Variants in EYA2 observed in about 807,000 individuals in gnomAD.
EYA2 encodes the protein EYA transcriptional coactivator and phosphatase 2.
EYA2 carries 31 observed loss-of-function variants against 69.2 expected under a neutral mutation model. The ratio of observed to expected loss-of-function variants is 0.45; its 90% CI spans 0.34 to 0.60. The LOEUF (loss-of-function observed/expected upper bound fraction) is 0.60, where lower values mean the gene tolerates loss of function less well. Ranked by LOEUF, EYA2 falls within the 20% of genes least tolerant of loss-of-function variation. The pLI, the probability that EYA2 is intolerant of heterozygous loss-of-function variation, is 0.02. For synonymous variants in EYA2, 257 were observed against 279.4 expected, an observed-to-expected ratio of 0.92 and a Z score of 0.80; for missense variants, 622 against 701.2, an observed-to-expected ratio of 0.89 and a Z score of 1.28.
chr20:46,994,950 G>A (rs1480554345), intron 2 of EYA2, among the ~76,000 whole-genome samples: 4 of 152,018 alleles, frequency 2.6e-5, no homozygotes, highest in African/African-American at 9.7e-5. Flanking sequence ...AACCAGGCTG[G>A]AGCGCAGTGG....
intron 7 of EYA2, among the ~76,000 whole-genome samples, chr20:47,086,498 G>A (rs1197206126): frequency 2.0e-5 from 3 of 152,000 alleles, no homozygotes; most frequent in African/African-American, 7.2e-5. Context: ...TAAAAGGGAA[G>A]CAGGCACGTC....
At chr20:47,028,503 G>A (rs1255370020) in intron 5 of EYA2, among the ~76,000 whole-genome samples, 1 of 152,228 alleles carries the variant, frequency 6.6e-6, no homozygotes, top group African/African-American at 2.4e-5. Context: ...AGTGACAGAA[G>A]CTGGTGCCTT....
intron 10 of EYA2, among the ~76,000 whole-genome samples, chr20:47,155,008 A>G (rs1474524173): frequency 6.6e-6 from 1 of 151,600 alleles, no homozygotes; most frequent in Non-Finnish European, 1.5e-5. Context: ...TCCTAAAGCC[A>G]CCACACCTGG....
chr20:47,109,447 T>C (rs2032687453), intron 9 of EYA2, among the ~76,000 whole-genome samples: 1 of 152,200 alleles, frequency 6.6e-6, no homozygotes, highest in African/African-American at 2.4e-5. Flanking sequence ...TTGTTTCCTG[T>C]AACATATACA....
At chr20:47,112,371 G>T (rs768049726) in intron 9 of EYA2, among the ~76,000 whole-genome samples, 1 of 152,174 alleles carries the variant, frequency 6.6e-6, no homozygotes, top group Admixed American at 6.6e-5. Context: ...GACAAAGGGG[G>T]CATGAGAGGG....
intron 1 of EYA2, among the ~76,000 whole-genome samples, chr20:46,895,943 C>A (rs901065075): frequency 1.3e-5 from 2 of 152,228 alleles, no homozygotes; most frequent in African/African-American, 2.4e-5. Context: ...CTGCCGCGGT[C>A]TGAATTCTTT....
At chr20:46,954,160 A>G (rs1042198405) in intron 1 of EYA2, among the ~76,000 whole-genome samples, 1 of 152,140 alleles carries the variant, frequency 6.6e-6, no homozygotes, top group Non-Finnish European at 1.5e-5. Context: ...CTGCTCAAAT[A>G]TCACCTCCTC....
chr20:46,980,534 G>A (rs565380601), intron 1 of EYA2, among the ~76,000 whole-genome samples: 5 of 152,186 alleles, frequency 3.3e-5, no homozygotes, highest in South Asian at 2.1e-4. Flanking sequence ...TGTTTGATAC[G>A]TTCATATAAT....
chr20:47,070,748 A>G (rs1215779149), intron 5 of EYA2, among the ~76,000 whole-genome samples: 1 of 152,238 alleles, frequency 6.6e-6, no homozygotes, highest in Non-Finnish European at 1.5e-5. Flanking sequence ...ATGTGGATGT[A>G]GTTAATGCCA....
chr20:46,929,991 A>G (rs995079323), intron 1 of EYA2, among the ~76,000 whole-genome samples: 2 of 152,204 alleles, frequency 1.3e-5, no homozygotes, highest in African/African-American at 2.4e-5. Flanking sequence ...TTCCATTGCT[A>G]AGATTTTGTG....
intron 11 of EYA2, among the ~76,000 whole-genome samples, chr20:47,171,957 G>A (rs142576133): frequency 2.0e-3 from 309 of 152,068 alleles, no homozygotes; most frequent in African/African-American, 7.3e-3. Context: ...CCTGGGTGTG[G>A]TGGAGGGCAC....
chr20:47,003,970 A>G (rs1982533361), intron 3 of EYA2, among the ~76,000 whole-genome samples: 1 of 152,252 alleles, frequency 6.6e-6, no homozygotes, highest in African/African-American at 2.4e-5. Context: ...TATAATGTAC[A>G]TACCAGGTGC....
At chr20:47,010,561 C>T (rs371064221) in intron 4 of EYA2, among the ~76,000 whole-genome samples, 1 of 151,430 alleles carries the variant, frequency 6.6e-6, no homozygotes, top group South Asian at 2.1e-4. Context: ...CCTGGGAGGT[C>T]GAGGCTGCAG....
chr20:47,129,556 G>T (rs77707910), intron 9 of EYA2, among the ~76,000 whole-genome samples: 1 of 152,192 alleles, frequency 6.6e-6, no homozygotes, highest in Non-Finnish European at 1.5e-5. Flanking sequence ...ACTAGAAGAC[G>T]GTGGCTTTAC....
intron 4 of EYA2, among the ~76,000 whole-genome samples, chr20:47,008,934 C>T (rs1600635256): frequency 6.6e-6 from 1 of 152,236 alleles, no homozygotes; most frequent in African/African-American, 2.4e-5. Flanking sequence ...ATACTTTCTA[C>T]TTTGTGATCC....
intron 1 of EYA2, among the ~76,000 whole-genome samples, chr20:46,981,514 G>A (rs957241871): frequency 9.2e-5 from 14 of 152,092 alleles, no homozygotes; most frequent in African/African-American, 2.9e-4. Context: ...TCCAAAGGAT[G>A]GTGTGTTTTG....
At chr20:47,187,073 A>G (rs537877273) in intron 15 of EYA2, among the ~76,000 whole-genome samples, 2 of 151,822 alleles carry the variant, frequency 1.3e-5, no homozygotes, top group African/African-American at 2.4e-5. Context: ...AAAAAAATTA[A>G]TGAAACGAAA....
intron 2 of EYA2, chr20:46,997,961 A>G (rs1229395208): frequency 3.9e-5 from 6 of 152,268 alleles, no homozygotes; most frequent in African/African-American, 1.4e-4. Flanking sequence ...CTCCCTTTAG[A>G]TTTCCAGCAT....
chr20:46,938,868 T>C (rs1236777069), intron 1 of EYA2, among the ~76,000 whole-genome samples: 1 of 152,064 alleles, frequency 6.6e-6, no homozygotes, highest in Non-Finnish European at 1.5e-5. Flanking sequence ...CCACAGTGTG[T>C]TTCTCTGAAT....
Sources: gnomAD v4.1 joint callset for allele counts (sites outside exome capture counted in the v4.1 genomes callset) on GRCh38, gnomAD v4.1.1 for gene constraint, MANE v1.5 for transcripts, NCBI Gene and HGNC (gene_info 2026-07-23, HGNC 2026-07-21) for gene names.